Variants in LAMA5 observed in about 807,000 individuals in gnomAD.
The protein encoded by LAMA5 is laminin subunit alpha 5.
LAMA5 carries 260 observed loss-of-function variants against 433.4 expected under a neutral mutation model. The observed-to-expected ratio is 0.60, with a 90% confidence interval of 0.54 to 0.66. The LOEUF (loss-of-function observed/expected upper bound fraction) is 0.66. LAMA5 is among the 30% of genes least tolerant of loss of function. LAMA5 has a pLI of 0.00. For missense variants in LAMA5, 5,378 were observed against 5,258.5 expected (o/e 1.02, Z -0.70); for synonymous variants, 2,620 against 2,226.6 (o/e 1.18, Z -4.97).
chr20:62,343,412 C>T (rs557322690), intron 11 of LAMA5, among the ~76,000 whole-genome samples: 51 of 152,118 alleles, frequency 3.4e-4, no homozygotes, highest in African/African-American at 1.1e-3. Context: ...AATCAGGACA[C>T]GGAAAAAAGC....
chr20:62,353,591 G>C (rs1312466619), intron 2 of LAMA5, among the ~76,000 whole-genome samples: 1 of 152,194 alleles, frequency 6.6e-6, no homozygotes, highest in Non-Finnish European at 1.5e-5. Context: ...AAGCTAGGGA[G>C]AGGCCTACCT....
At chr20:62,327,488 A>T (rs944891) in intron 37 of LAMA5, 41 bp downstream of exon 37, 2 of 1,610,706 alleles carry the variant, frequency 1.2e-6, no homozygotes, top group Admixed American at 3.3e-5. Context: ...CCCACCTAAG[A>T]CCTCCCCGAG....
At chr20:62,336,071 C>T (rs1477222115) in intron 18 of LAMA5, among the ~76,000 whole-genome samples, 1 of 148,738 alleles carries the variant, frequency 6.7e-6, no homozygotes, top group Non-Finnish European at 1.5e-5. Flanking sequence ...CTCACAGGCT[C>T]TAGCCCCCCA....
chr20:62,365,789 A>G (rs1986655343), intron 1 of LAMA5, among the ~76,000 whole-genome samples: 1 of 152,124 alleles, frequency 6.6e-6, no homozygotes, highest in Admixed American at 6.5e-5. Flanking sequence ...CCCCCATCTG[A>G]AGTGTGGGCT....
In LAMA5 at chr20:62,337,641, G is replaced by A. The variant is rs1219894485; in HGVS notation, c.2113C>T (p.Leu705=). Residue 705 remains leucine, a synonymous_variant, in exon 16 of 80, where the codon CTG becomes TTG. Transcript: ENST00000252999. ...CCGGGCACACATGTGTCACACCGCA[G>A]CCCCGTCACACGGGGCCGGCAGCTG... ...QCSCRPRVTG[L]RCDTCVPGAY... is the part of the protein sequence containing the mutation. 2 of 1,612,146 alleles carry A rather than the reference G, an allele frequency of 1.2e-6. No individual in the cohort carries two copies. The highest frequency in any genetic ancestry group is 2.7e-5 in the African/African-American group (2 of 74,936).
chr20:62,364,311 C>T (rs866409828), intron 1 of LAMA5, among the ~76,000 whole-genome samples: 3 of 152,176 alleles, frequency 2.0e-5, no homozygotes, highest in South Asian at 4.1e-4. Context: ...CTGGGACAGC[C>T]GGACCTCCCA....
At chr20:62,348,637 T>C (rs1454081512) in intron 6 of LAMA5, among the ~76,000 whole-genome samples, 1 of 150,952 alleles carries the variant, frequency 6.6e-6, no homozygotes, top group Non-Finnish European at 1.5e-5. Flanking sequence ...AAAAAAGAAA[T>C]CTAAAACATA....
chr20:62,320,983 G>A (rs1987641143), intron 48 of LAMA5, 93 bp from the exon 49 acceptor site: 6 of 1,404,660 alleles, frequency 4.3e-6, no homozygotes, highest in Non-Finnish European at 5.8e-6. Context: ...GGTGGGGAGG[G>A]CTCAGCCAGA....
chr20:62,326,946 G>C lies in LAMA5; in HGVS notation c.5133C>G (p.Thr1711=). Residue 1711 remains threonine, a synonymous_variant, in exon 39 of 80, where the codon ACC becomes ACG. Coordinates refer to ENST00000252999, the MANE Select transcript of LAMA5 (RefSeq NM_005560.6). ...LGDRVSSYGG[T]LRYELHSETQ... is the part of the protein sequence containing the mutation. The stretch of plus-strand genomic sequence containing the variant: ...TCTCTGAGTGCAGTTCATAACGGAG[G>C]GTCCCACCGTAGGATGACACCTGGA... 1.2e-6 allele frequency: 2 copies of C among 1,609,856 alleles called. No homozygotes were observed.
chr20:62,346,284 C>A, intron 9 of LAMA5, 69 bp from the exon 10 acceptor site: 1 of 1,542,548 alleles, frequency 6.5e-7, no homozygotes, highest in Non-Finnish European at 8.8e-7. Flanking sequence ...CAAGATGTGG[C>A]AGTCTCTACC....
chr20:62,346,924 T>G lies in LAMA5; in HGVS notation c.1061A>C (p.Asn354Thr), dbSNP rs779267687. Residue 354 changes from asparagine to threonine, a missense_variant, in exon 7 of 80, where the codon AAC (asparagine) becomes ACC (threonine). Transcript: ENST00000252999. ...PWKPATANSA[N>T]ECQSCNCYGH... ...GAGGAGGCACTCACACTGGCACTCG[T>G]TGGCACTGTTGGCAGTCGCAGGCTT... 6.2e-7 allele frequency: 1 copy of G among 1,612,906 alleles called. No individual in the cohort carries two copies. The highest frequency in any genetic ancestry group is 1.1e-5 in the South Asian group (1 of 91,082).
chr20:62,316,691 T>A lies in LAMA5; in HGVS notation c.7736A>T (p.Glu2579Val). The A allele has an allele frequency of 6.2e-7, 1 of 1,605,846 alleles. No individual in the cohort carries two copies. The highest frequency in any genetic ancestry group is 1.1e-5 in the South Asian group (1 of 90,542). Residue 2579 changes from glutamate to valine, a missense_variant, in exon 57 of 80, where the codon GAA becomes GTA. Physicochemically the swap from Glu to Val is moderately radical, Grantham distance 121 (BLOSUM62 -2). Coordinates refer to ENST00000252999, the MANE Select transcript of LAMA5 (RefSeq NM_005560.6). ...CTCACCAAGGCCCAGCCTCTGCTGT[T>A]CCTGGAGCATGGCCTCTTCTAGTGC... ...STALEEAMLQ[E>V]QQRLGLVWAA...
intron 56 of LAMA5, 49 bp from the exon 57 acceptor site, chr20:62,316,822 C>T (rs375281333): frequency 4.5e-5 from 70 of 1,554,736 alleles, no homozygotes; most frequent in East Asian, 2.3e-4. Flanking sequence ...GCCGGGGCTG[C>T]GGGAGGTGCA....
chr20:62,352,564 T>C (rs1984522181), intron 3 of LAMA5, among the ~76,000 whole-genome samples: 1 of 151,274 alleles, frequency 6.6e-6, no homozygotes, highest in Non-Finnish European at 1.5e-5. Flanking sequence ...CTTGCACGCT[T>C]TGAGTGCGAG....
chr20:62,363,257 A>G (rs1986358703), intron 1 of LAMA5, among the ~76,000 whole-genome samples: 1 of 152,184 alleles, frequency 6.6e-6, no homozygotes, highest in African/African-American at 2.4e-5. Flanking sequence ...GGACAGCGGC[A>G]GGTGGGCCTG....
rs770847385 is a variant in LAMA5 at position 62,333,917 on chromosome 20, C to T, written c.2862G>A (p.Ser954=). Residue 954 remains serine, a synonymous_variant, in exon 23 of 80, where the codon TCG becomes TCA. Coordinates refer to ENST00000252999, the MANE Select transcript of LAMA5 (RefSeq NM_005560.6). The part of the protein sequence containing the change: ...GRVSVREEGR[S]ATCANCTAQS... ...CCCACTCACAGTTGGCGCAGGTGGC[C>T]GACCTGCCCTCCTCTCGCACAGAGA... is the stretch of plus-strand genomic sequence containing the variant. The T allele has an allele frequency of 8.7e-6, 14 of 1,602,412 alleles. No homozygotes were observed. The highest frequency in any genetic ancestry group is 6.6e-5 in the South Asian group (6 of 90,336).
At position 62,323,632 on chromosome 20, in the gene LAMA5, C is replaced by T. The variant is rs1978730752; in HGVS notation, c.5888G>A (p.Gly1963Asp). The stretch of plus-strand genomic sequence containing the variant: ...GCAGTCGCATGGCTGGCAGGAGCTG[C>T]CCAGCACCAGTGGGTTCCCAAAGAA... ...PGFFGNPLVL[G>D]SSCQPCDCSG... The change falls in exon 45 of 80, where the codon GGC becomes GAC. Residue 1963 changes from glycine to aspartate, a missense_variant. Coordinates refer to ENST00000252999, the MANE Select transcript of LAMA5 (RefSeq NM_005560.6). 1 of 1,611,114 alleles carries T rather than the reference C, an allele frequency of 6.2e-7. No individual in the cohort carries two copies. The highest frequency in any genetic ancestry group is 1.7e-5 in the Admixed American group (1 of 59,826).
In LAMA5 at chr20:62,311,612, A is replaced by G; in HGVS notation, c.9806+2T>C. The G allele has an allele frequency of 6.2e-7, 1 of 1,606,434 alleles. No homozygotes were observed. On this transcript the variant is annotated splice_donor_variant, in intron 71 of 79. Transcript: ENST00000252999. LOFTEE classifies it high-confidence loss of function. ...TTGTCCCCCAGCGCCCACCAGGCTC[A>G]CCGCTGCACGAAGACGTTGCTGATG...
At chr20:62,316,644 G>A (rs6062214) in intron 57 of LAMA5, 27 bp downstream of exon 57, 16 of 1,509,088 alleles carry the variant, frequency 1.1e-5, no homozygotes, top group African/African-American at 7.0e-5. Context: ...GCAGGCCTAA[G>A]GGCCCCCATC....
Sources: gnomAD v4.1 joint callset for allele counts (sites outside exome capture counted in the v4.1 genomes callset) on GRCh38, gnomAD v4.1.1 for gene constraint, MANE v1.5 for transcripts, NCBI Gene and HGNC (gene_info 2026-07-23, HGNC 2026-07-21) for gene names.